CPQ: variants seen among roughly 807,000 people sequenced by gnomAD.
CPQ encodes the protein carboxypeptidase Q.
A neutral mutation model predicts 45.7 loss-of-function variants in CPQ; 37 were observed. The ratio of observed to expected loss-of-function variants is 0.81; its 90% CI spans 0.62 to 1.07. CPQ has a LOEUF of 1.07. Ranked by LOEUF, CPQ falls within the 50% of genes least tolerant of loss-of-function variation. The probability of loss-of-function intolerance (pLI) is 0.00; values close to 1 mark genes in which losing one functional copy is unlikely to be tolerated. For synonymous variants in CPQ, 186 were observed against 205.8 expected (o/e 0.90, Z 0.82); for missense variants, 537 against 572.9 (o/e 0.94, Z 0.64).
Position 96,876,734 on chromosome 8 carries a change from A to G in CPQ, c.642-3064A>G, listed in dbSNP as rs1461423481. On this transcript the variant is annotated intron_variant, in intron 3 of 7. Transcript: ENST00000220763. ...TTAAAATAGTATATTACATCAATTG[A>G]TTTTTGGATGTTAAATCAACTTTGT... 2.6e-5 allele frequency among the ~76,000 whole-genome samples: 4 copies of G among 152,284 alleles called. No individual in the cohort carries two copies. The East Asian group carries it at 5.8e-4, about 22-fold the overall frequency.
chr8:96,869,685 T>C (rs1364723535), intron 3 of CPQ, among the ~76,000 whole-genome samples: 1 of 152,070 alleles, frequency 6.6e-6, no homozygotes, highest in East Asian at 1.9e-4. Context: ...CTTACAGCAT[T>C]AGCATTATGT....
intron 3 of CPQ, among the ~76,000 whole-genome samples, chr8:96,865,473 G>A (rs1459641438): frequency 2.0e-5 from 3 of 151,960 alleles, no homozygotes; most frequent in African/African-American, 4.8e-5. Context: ...TATGCCCAGC[G>A]GGACCCTTCC....
chr8:96,910,812 G>A (rs1346866982), intron 4 of CPQ, among the ~76,000 whole-genome samples: 1 of 152,038 alleles, frequency 6.6e-6, no homozygotes, highest in African/African-American at 2.4e-5. Context: ...CTGAAGTAGT[G>A]TTATAATCTT....
At chr8:96,838,007 A>G (rs1811554144) in intron 3 of CPQ, among the ~76,000 whole-genome samples, 1 of 152,004 alleles carries the variant, frequency 6.6e-6, no homozygotes, top group African/African-American at 2.4e-5. Context: ...AAGTGTTGTG[A>G]CTTTGCATAT....
chr8:96,957,945 A>G (rs538319366), intron 4 of CPQ, among the ~76,000 whole-genome samples: 2 of 150,046 alleles, frequency 1.3e-5, no homozygotes, highest in South Asian at 2.1e-4. Flanking sequence ...GTATCCTCCT[A>G]CCTCAGTCCA....
intron 1 of CPQ, among the ~76,000 whole-genome samples, chr8:96,659,489 C>A (rs1452717988): frequency 2.6e-5 from 4 of 152,166 alleles, no homozygotes; most frequent in Non-Finnish European, 1.5e-5. Context: ...CTTCCGAGTT[C>A]TTTACATGTT....
chr8:96,872,080 C>T (rs1328465655), intron 3 of CPQ, among the ~76,000 whole-genome samples: 1 of 151,786 alleles, frequency 6.6e-6, no homozygotes, highest in Admixed American at 6.6e-5. Flanking sequence ...CATCCCTTAT[C>T]CAAAATACTT....
At chr8:97,129,286 G>A (rs1032556508) in intron 7 of CPQ, among the ~76,000 whole-genome samples, 1 of 152,122 alleles carries the variant, frequency 6.6e-6, no homozygotes, top group Non-Finnish European at 1.5e-5. Context: ...CACTCCTGTA[G>A]TCTTCTCCCT....
At chr8:96,818,442 C>T (rs1421292987) in intron 2 of CPQ, among the ~76,000 whole-genome samples, 3 of 151,896 alleles carry the variant, frequency 2.0e-5, no homozygotes, top group Non-Finnish European at 4.4e-5. Context: ...GACACAGAGA[C>T]ATGAAGTGAA....
intron 1 of CPQ, among the ~76,000 whole-genome samples, chr8:96,756,974 T>G (rs1049612676): frequency 3.9e-5 from 6 of 152,164 alleles, no homozygotes; most frequent in Non-Finnish European, 4.4e-5. Flanking sequence ...GTAAACTTCC[T>G]GGGTCCTTGT....
chr8:97,066,290 T>C (rs1810635331), intron 7 of CPQ, 80 bp downstream of exon 7: 4 of 1,281,032 alleles, frequency 3.1e-6, no homozygotes, highest in Non-Finnish European at 4.3e-6. Flanking sequence ...TAGAGCACAA[T>C]GAATACTAGT....
chr8:96,903,398 T>TATGACTA (rs1346766701), intron 4 of CPQ, among the ~76,000 whole-genome samples: 1 of 152,150 alleles, frequency 6.6e-6, no homozygotes, highest in African/African-American at 2.4e-5. Flanking sequence ...ATGTTGATAT[T>TATGACTA]ATGACTAATG....
At chr8:96,682,207 T>A (rs906537257) in intron 1 of CPQ, among the ~76,000 whole-genome samples, 1 of 152,184 alleles carries the variant, frequency 6.6e-6, no homozygotes, top group Middle Eastern at 3.2e-3. Flanking sequence ...CCCACCCAAA[T>A]CTCATGTTGA....
chr8:97,081,758 C>G (rs1222022561), intron 7 of CPQ, among the ~76,000 whole-genome samples: 2 of 152,124 alleles, frequency 1.3e-5, no homozygotes, highest in Non-Finnish European at 2.9e-5. Flanking sequence ...AATTGAGAAC[C>G]ACTGACATAT....
intron 2 of CPQ, among the ~76,000 whole-genome samples, chr8:96,825,924 A>G (rs1811373901): frequency 6.6e-6 from 1 of 152,124 alleles, no homozygotes; most frequent in South Asian, 2.1e-4. Flanking sequence ...ACATAAGCAC[A>G]CTAGTTTCTA....
chr8:96,763,562 CTGTT>C (rs1370686661), intron 1 of CPQ, among the ~76,000 whole-genome samples: 13 of 152,120 alleles, frequency 8.5e-5, no homozygotes, highest in African/African-American at 3.1e-4. Context: ...TCAAAAGACA[CTGTT>C]AAGGGAATGA....
chr8:96,743,034 T>C (rs1212904636), intron 1 of CPQ, among the ~76,000 whole-genome samples: 1 of 152,200 alleles, frequency 6.6e-6, no homozygotes, highest in African/African-American at 2.4e-5. Flanking sequence ...CCTTGCTAGA[T>C]TGGGGAAGTT....
chr8:97,034,598 A>G (rs1266112240), intron 6 of CPQ, among the ~76,000 whole-genome samples: 4 of 152,200 alleles, frequency 2.6e-5, no homozygotes, highest in Non-Finnish European at 4.4e-5. Flanking sequence ...TCTTAAGTAC[A>G]CAGCAAAATA....
At chr8:97,123,542 G>C (rs989390613) in intron 7 of CPQ, among the ~76,000 whole-genome samples, 6 of 151,612 alleles carry the variant, frequency 4.0e-5, no homozygotes, top group African/African-American at 1.5e-4. Flanking sequence ...ATAAGCCATA[G>C]AAAAGATGAG....
Sources: allele counts gnomAD v4.1 joint callset (sites outside exome capture counted in the v4.1 genomes callset), GRCh38; gene constraint gnomAD v4.1.1; transcripts MANE v1.5; gene names NCBI Gene and HGNC (gene_info 2026-07-23, HGNC 2026-07-21).